The following FGF14 variants were observed in gnomAD, a reference collection of about 807,000 sequenced individuals.
FGF14 encodes fibroblast growth factor homologous factor 4.
In FGF14, 5 loss-of-function variants were observed where a neutral mutation model predicts 25.5. That is an observed-to-expected ratio of 0.20 (90% CI 0.10 to 0.41). The LOEUF (loss-of-function observed/expected upper bound fraction) is 0.41, where lower values mean the gene tolerates loss of function less well. Among genes scored for constraint, FGF14 ranks in the 10% least tolerant of loss-of-function variants. The probability of loss-of-function intolerance (pLI) is 1.00; values close to 1 mark genes in which losing one functional copy is unlikely to be tolerated. For missense variants in FGF14, 222 were observed against 320.1 expected (o/e 0.69, Z 2.34); for synonymous variants, 138 against 118.3 (o/e 1.17, Z -1.08).
intron 1 of FGF14, among the ~76,000 whole-genome samples, chr13:102,181,240 G>A (rs138389113): frequency 1.7e-4 from 26 of 152,218 alleles, no homozygotes; most frequent in South Asian, 4.2e-4. Flanking sequence ...GCAGAATAAC[G>A]ATCTCCGAAG....
chr13:102,118,043 A>C (rs1190292053), intron 1 of FGF14, among the ~76,000 whole-genome samples: 1 of 152,190 alleles, frequency 6.6e-6, no homozygotes, highest in African/African-American at 2.4e-5. Context: ...ATTGGTACCC[A>C]ATCACAAGAG....
At chr13:102,244,424 T>C (rs1470135481) in intron 1 of FGF14, among the ~76,000 whole-genome samples, 4 of 151,214 alleles carry the variant, frequency 2.6e-5, no homozygotes. Context: ...CAAAATTGCA[T>C]GAGCTAATAA....
chr13:102,260,110 G>C (rs2052648354), intron 1 of FGF14, among the ~76,000 whole-genome samples: 2 of 152,040 alleles, frequency 1.3e-5, no homozygotes, highest in African/African-American at 4.8e-5. Flanking sequence ...AAAGAGAAGG[G>C]GGAGGAAGAG....
At chr13:102,391,086 A>G (rs1595038418) in intron 1 of FGF14, among the ~76,000 whole-genome samples, 1 of 152,332 alleles carries the variant, frequency 6.6e-6, no homozygotes, top group Non-Finnish European at 1.5e-5. Flanking sequence ...ATGAATGTAA[A>G]AGAGGTAAAT....
chr13:101,925,013 C>T (rs906864179), intron 1 of FGF14, among the ~76,000 whole-genome samples: 11 of 152,076 alleles, frequency 7.2e-5, no homozygotes, highest in South Asian at 2.1e-4. Context: ...CCAGGGTTCA[C>T]AATTTTTATT....
intron 1 of FGF14, among the ~76,000 whole-genome samples, chr13:102,276,161 G>A (rs1466280792): frequency 6.6e-6 from 1 of 151,528 alleles, no homozygotes; most frequent in Non-Finnish European, 1.5e-5. Context: ...AAGTTGGCCT[G>A]AGAATTGCAT....
chr13:102,275,262 T>C (rs9518691), intron 1 of FGF14, among the ~76,000 whole-genome samples: 9,113 of 68,448 alleles, frequency 0.13, 1,078 homozygotes, highest in African/African-American at 0.18. Flanking sequence ...CTCTCTCTCT[T>C]TCTCTCTCTC....
chr13:102,374,800 T>TAAGG (rs1754087062), intron 1 of FGF14, among the ~76,000 whole-genome samples: 1 of 150,038 alleles, frequency 6.7e-6, no homozygotes, highest in African/African-American at 2.4e-5. Flanking sequence ...GTTTTTCAAT[T>TAAGG]AAGGGCTAAA....
intron 1 of FGF14, among the ~76,000 whole-genome samples, chr13:101,953,558 A>ATATG (rs1555326926): frequency 2.0e-5 from 3 of 148,266 alleles, no homozygotes; most frequent in African/African-American, 7.4e-5. Context: ...GTATATATAT[A>ATATG]TGTGTGTGTG....
At chr13:101,774,417 T>C (rs533652006) in intron 3 of FGF14, among the ~76,000 whole-genome samples, 34 of 152,282 alleles carry the variant, frequency 2.2e-4, no homozygotes, top group African/African-American at 7.7e-4. Flanking sequence ...GCAGCCTTGG[T>C]GCTAGAGGCG....
chr13:101,992,969 C>T (rs1344522049), intron 1 of FGF14, among the ~76,000 whole-genome samples: 2 of 151,768 alleles, frequency 1.3e-5, no homozygotes, highest in African/African-American at 4.8e-5. Context: ...ACTACAGACA[C>T]GAATCTAAGA....
chr13:102,387,003 T>A (rs2058320392), intron 1 of FGF14, among the ~76,000 whole-genome samples: 1 of 152,172 alleles, frequency 6.6e-6, no homozygotes, highest in Non-Finnish European at 1.5e-5. Context: ...TATCACCACC[T>A]AAAATGGACC....
intron 1 of FGF14, among the ~76,000 whole-genome samples, chr13:102,336,388 A>C (rs1250011584): frequency 6.6e-6 from 1 of 152,188 alleles, no homozygotes; most frequent in Non-Finnish European, 1.5e-5. Context: ...GCAAGGTCCT[A>C]ACTCTCTTCA....
intron 1 of FGF14, among the ~76,000 whole-genome samples, chr13:102,008,103 C>T (rs1473970926): frequency 6.6e-6 from 1 of 152,120 alleles, no homozygotes; most frequent in Non-Finnish European, 1.5e-5. Context: ...TCCTCTAATT[C>T]CATCTTATTA....
At chr13:101,755,465 C>A (rs537109291) in intron 3 of FGF14, among the ~76,000 whole-genome samples, 1 of 152,212 alleles carries the variant, frequency 6.6e-6, no homozygotes, top group African/African-American at 2.4e-5. Context: ...CACACCGCTG[C>A]ACTCCAGGTG....
intron 1 of FGF14, among the ~76,000 whole-genome samples, chr13:101,981,363 G>A (rs1342998763): frequency 1.3e-5 from 2 of 152,210 alleles, no homozygotes; most frequent in East Asian, 1.9e-4. Flanking sequence ...TGCCATCTAC[G>A]AACCAGGAAA....
At chr13:101,821,108 C>T (rs1015419955) in intron 3 of FGF14, among the ~76,000 whole-genome samples, 1 of 150,950 alleles carries the variant, frequency 6.6e-6, no homozygotes, top group Non-Finnish European at 1.5e-5. Context: ...GCTACCACGC[C>T]GGGCTAATTT....
At chr13:101,775,371 A>C (rs1303274158) in intron 3 of FGF14, among the ~76,000 whole-genome samples, 1 of 152,158 alleles carries the variant, frequency 6.6e-6, no homozygotes, top group Non-Finnish European at 1.5e-5. Context: ...AGAAAAAGAG[A>C]ATGTATGTTT....
At chr13:102,105,081 A>C (rs2044843820) in intron 1 of FGF14, among the ~76,000 whole-genome samples, 1 of 152,226 alleles carries the variant, frequency 6.6e-6, no homozygotes, top group African/African-American at 2.4e-5. Context: ...TGCTCCAACC[A>C]AACACTTGCC....
Sources: allele counts gnomAD v4.1 joint callset (sites outside exome capture counted in the v4.1 genomes callset), GRCh38; gene constraint gnomAD v4.1.1; transcripts MANE v1.5; gene names NCBI Gene and HGNC (gene_info 2026-07-23, HGNC 2026-07-21).